FRMPD1: variants seen among roughly 807,000 people sequenced by gnomAD.
FRMPD1 encodes the protein FERM and PDZ domain-containing protein 1.
In FRMPD1, 76 loss-of-function variants were observed where a neutral mutation model predicts 117.8. The observed-to-expected ratio is 0.65, with a 90% CI of 0.54 to 0.78. The LOEUF (loss-of-function observed/expected upper bound fraction) is 0.78. Ranked by LOEUF, FRMPD1 falls within the 30% of genes least tolerant of loss-of-function variation. The pLI, the probability that FRMPD1 is intolerant of heterozygous loss-of-function variation, is 0.00. For synonymous variants in FRMPD1, 783 were observed against 770.4 expected (o/e 1.02, Z -0.27); for missense variants, 1,786 against 1,964.5 (o/e 0.91, Z 1.72).
chr9:37,628,107 A>G, the FRMPD1 span, among the ~76,000 whole-genome samples: 5 of 152,232 alleles, frequency 3.3e-5, no homozygotes, highest in African/African-American at 4.8e-5. Flanking sequence ...CATAATAGAC[A>G]TTTAAGAAAA....
chr9:37,605,326 G>A, the FRMPD1 span, among the ~76,000 whole-genome samples: 1 of 152,170 alleles, frequency 6.6e-6, no homozygotes, highest in Non-Finnish European at 1.5e-5. Flanking sequence ...CCTGAGGGCT[G>A]GCAACAAAGC....
chr9:37,628,493 T>TA, the FRMPD1 span, among the ~76,000 whole-genome samples: 1 of 152,224 alleles, frequency 6.6e-6, no homozygotes, highest in Non-Finnish European at 1.5e-5. Flanking sequence ...AGTCAAGTTT[T>TA]AAAAGCAAAC....
the FRMPD1 span, chr9:37,636,696 A>C: frequency 9.0e-6 from 14 of 1,557,816 alleles, no homozygotes; most frequent in East Asian, 2.7e-4. Context: ...TCCTAGCAAC[A>C]ACCACCGCCA....
intron 1 of FRMPD1, among the ~76,000 whole-genome samples, chr9:37,653,953 T>C (rs1193404869): frequency 1.3e-5 from 2 of 151,996 alleles, no homozygotes; most frequent in Non-Finnish European, 2.9e-5. Context: ...AGAGTGAGAC[T>C]CCATCTCTAA....
chr9:37,685,454 T>G (rs532415251), intron 1 of FRMPD1, among the ~76,000 whole-genome samples: 12 of 151,070 alleles, frequency 7.9e-5, no homozygotes, highest in East Asian at 2.0e-4. Context: ...CTATCCTGGC[T>G]AACACGGTGA....
chr9:37,743,894 C>CA (rs1350194975), intron 15 of FRMPD1, among the ~76,000 whole-genome samples: 14 of 136,042 alleles, frequency 1.0e-4, no homozygotes, highest in Admixed American at 2.3e-4. Context: ...GACCCTGTCT[C>CA]AAAAAAAAAG....
chr9:37,611,764 T>G, the FRMPD1 span, among the ~76,000 whole-genome samples: 1 of 152,220 alleles, frequency 6.6e-6, no homozygotes, highest in African/African-American at 2.4e-5. Flanking sequence ...TGGAAACATT[T>G]TTGACATACC....
At chr9:37,658,359 G>T (rs1014221183) in intron 1 of FRMPD1, among the ~76,000 whole-genome samples, 4 of 152,254 alleles carry the variant, frequency 2.6e-5, no homozygotes, top group Non-Finnish European at 5.9e-5. Flanking sequence ...TCCTGGCCCA[G>T]TGGTTGACGT....
intron 1 of FRMPD1, among the ~76,000 whole-genome samples, chr9:37,682,369 T>C (rs993237117): frequency 2.0e-5 from 3 of 152,142 alleles, no homozygotes; most frequent in African/African-American, 7.2e-5. Context: ...GGGGCAATAG[T>C]GGGAGATAGA....
intron 6 of FRMPD1, among the ~76,000 whole-genome samples, chr9:37,720,307 G>A (rs889096757): frequency 3.3e-5 from 5 of 152,198 alleles, no homozygotes; most frequent in Middle Eastern, 3.2e-3. Context: ...TCTGCTGGGC[G>A]CGGTGGCTCA....
intron 1 of FRMPD1, among the ~76,000 whole-genome samples, chr9:37,681,671 T>C (rs190445955): frequency 3.9e-5 from 6 of 152,342 alleles, no homozygotes; most frequent in African/African-American, 9.6e-5. Flanking sequence ...GAAGGTTCCA[T>C]AGTTATAGCT....
chr9:37,640,879 G>C, the FRMPD1 span, among the ~76,000 whole-genome samples: 1 of 152,098 alleles, frequency 6.6e-6, no homozygotes, highest in Admixed American at 6.6e-5. Context: ...AAGTCACCAT[G>C]TTATTTATTT....
At chr9:37,643,704 G>T in the FRMPD1 span, among the ~76,000 whole-genome samples, 2 of 152,108 alleles carry the variant, frequency 1.3e-5, no homozygotes, top group Non-Finnish European at 2.9e-5. Flanking sequence ...AATAATCTCT[G>T]ATCTGCTTTG....
the FRMPD1 span, among the ~76,000 whole-genome samples, chr9:37,637,813 A>C: frequency 6.6e-6 from 1 of 152,216 alleles, no homozygotes; most frequent in African/African-American, 2.4e-5. Flanking sequence ...TGCATTGAGA[A>C]GTGTAAAGTG....
chr9:37,648,661 G>A (rs1314032198), upstream of FRMPD1, among the ~76,000 whole-genome samples: 1 of 152,178 alleles, frequency 6.6e-6, no homozygotes, highest in Non-Finnish European at 1.5e-5. Flanking sequence ...TTAGTGTCCA[G>A]TAGAGTATGA....
At chr9:37,641,387 G>T in the FRMPD1 span, among the ~76,000 whole-genome samples, 207 of 152,296 alleles carry the variant, frequency 1.4e-3, 2 homozygotes, top group African/African-American at 4.8e-3. Context: ...CCCAGAGCCT[G>T]TGCTAGGTGC....
At chr9:37,741,450 GAC>G (rs56971939) in intron 15 of FRMPD1, among the ~76,000 whole-genome samples, 6,231 of 135,450 alleles carry the variant, frequency 0.046, 193 homozygotes, top group African/African-American at 0.1. Context: ...ATCCTGGCAG[GAC>G]ACACACACAC....
At chr9:37,626,959 T>A in the FRMPD1 span, among the ~76,000 whole-genome samples, 23,790 of 152,128 alleles carry the variant, frequency 0.16, 2,575 homozygotes, top group East Asian at 0.58. Flanking sequence ...TGCAAGTGAT[T>A]GTAAGTGTGT....
chr9:37,740,612 AC>A lies in FRMPD1; in HGVS notation c.2088del (p.Arg697GlyfsTer23), dbSNP rs1489764502. ...WAPELSTVRL[D>X]PRLYEGSHAD... ...CCAGAACTGAGCACAGTCAGGCTGGACCCCAGGCTGTATGAAGGCAGCCACG... is the reference window on the plus strand; with the variant it reads ...CCAGAACTGAGCACAGTCAGGCTGGACCCAGGCTGTATGAAGGCAGCCACG... On this transcript the variant is annotated frameshift_variant, in exon 15 of 16. Coordinates refer to ENST00000377765, the MANE Select transcript of FRMPD1 (RefSeq NM_014907.3). LOFTEE classifies it high-confidence loss of function. This position sits in a 1 kb window ranked among gnomAD's most constrained non-coding sequence, Gnocchi z 4.2. 4 of 1,614,108 alleles carry A rather than the reference AC, an allele frequency of 2.5e-6. No individual in the cohort carries two copies. The highest frequency in any genetic ancestry group is 3.4e-6 in the Non-Finnish European group (4 of 1,179,972).
Sources: allele counts gnomAD v4.1 joint callset (sites outside exome capture counted in the v4.1 genomes callset), GRCh38; gene constraint gnomAD v4.1.1; non-coding constraint Gnocchi (gnomAD v3.1); transcripts MANE v1.5; gene names NCBI Gene and HGNC (gene_info 2026-07-23, HGNC 2026-07-21).